Variants in KIF3A observed in about 807,000 individuals in gnomAD.
KIF3A encodes kinesin family member 3A.
A neutral mutation model predicts 92.6 loss-of-function variants in KIF3A; 27 were observed. That is an observed-to-expected ratio of 0.29 (90% CI 0.21 to 0.40). KIF3A has a LOEUF of 0.40. KIF3A is among the 10% of genes least tolerant of loss of function. KIF3A has a pLI of 1.00. For synonymous variants in KIF3A, 250 were observed against 275.4 expected, an observed-to-expected ratio of 0.91 and a Z score of 0.92; for missense variants, 581 against 872.6, an observed-to-expected ratio of 0.67 and a Z score of 4.21.
chr5:132,691,263 T>G (rs1752656898), downstream of KIF3A, among the ~76,000 whole-genome samples: 1 of 152,194 alleles, frequency 6.6e-6, no homozygotes, highest in South Asian at 2.1e-4. Flanking sequence ...GAAGTATTTT[T>G]GGGGCTAGGC....
intron 4 of KIF3A, among the ~76,000 whole-genome samples, chr5:132,724,801 AAAAAAATATATATAT>A (rs1561708565): frequency 1.4e-4 from 5 of 34,536 alleles, no homozygotes; most frequent in African/African-American, 5.1e-4. Context: ...ATAAAAAAAA[AAAAAAATATATATAT>A]ATATATATAT....
intron 2 of KIF3A, among the ~76,000 whole-genome samples, 191 bp downstream of exon 2, chr5:132,734,014 G>T (rs9327638): frequency 6.6e-6 from 1 of 152,140 alleles, no homozygotes; most frequent in Admixed American, 6.5e-5. Context: ...TTGCTTGGGG[G>T]TGGGTCTGCA....
At chr5:132,699,417 A>C in intron 17 of KIF3A, 122 bp from the exon 18 acceptor site, 1 of 910,546 alleles carries the variant, frequency 1.1e-6, no homozygotes, top group Non-Finnish European at 1.7e-6. Flanking sequence ...AACCAAAGAA[A>C]TGTCTAATGA....
At chr5:132,734,812 A>C (rs1489581326) in intron 1 of KIF3A, among the ~76,000 whole-genome samples, 3 of 152,250 alleles carry the variant, frequency 2.0e-5, no homozygotes, top group Non-Finnish European at 2.9e-5. Context: ...TCCTGCCTGT[A>C]GGAAAACACA....
At chr5:132,714,987 C>T (rs1285004727) in intron 8 of KIF3A, among the ~76,000 whole-genome samples, 1 of 152,132 alleles carries the variant, frequency 6.6e-6, no homozygotes, top group Non-Finnish European at 1.5e-5. Context: ...TACTTGTTTA[C>T]TAAATAAGTA....
At position 132,694,490 on chromosome 5, in the gene KIF3A, A is replaced by G. The variant is rs949283727; in HGVS notation, c.*2144T>C. ...GACTTTTTATAGATTTATTTTTATT[A>G]TCATGGTAGGGTGGGATAGAAAAAA... On this transcript the variant is annotated 3_prime_UTR_variant, in exon 19 of 19. Coordinates refer to ENST00000403231, the MANE Select transcript of KIF3A (RefSeq NM_001300791.2). 5 of 152,270 alleles carry G rather than the reference A, an allele frequency of 3.3e-5. No homozygotes were observed. In the South Asian group the frequency reaches 8.3e-4, roughly 25 times the overall value. 9.4% of individuals were successfully genotyped at this position (152,270 alleles called of 1,614,324 possible).
intron 4 of KIF3A, among the ~76,000 whole-genome samples, chr5:132,721,883 C>T (rs956571315): frequency 2.0e-5 from 3 of 152,132 alleles, no homozygotes; most frequent in Non-Finnish European, 4.4e-5. Flanking sequence ...GAATTTTACA[C>T]ATTGAGCTTC....
chr5:132,708,142 A>C (rs1753283594), intron 10 of KIF3A, among the ~76,000 whole-genome samples: 1 of 151,980 alleles, frequency 6.6e-6, no homozygotes, highest in Non-Finnish European at 1.5e-5. Flanking sequence ...ATTAGCCAGG[A>C]GTGGTGGCGG....
At position 132,694,840 on chromosome 5, in the gene KIF3A, T is replaced by C. The variant is rs1047289856; in HGVS notation, c.*1794A>G. 2 of 152,292 alleles carry C rather than the reference T, an allele frequency of 1.3e-5. No homozygotes were observed. The highest frequency in any genetic ancestry group is 4.8e-5 in the African/African-American group (2 of 41,430). The allele number at this position is 152,292 out of a possible 1,614,324, so 9.4% of individuals were successfully genotyped here. ...AGCTATCTTACATACCACAAACAAA[T>C]GCAGCCAGTGAAATGCAATTCTAAT... On this transcript the variant is annotated 3_prime_UTR_variant, in exon 19 of 19. Transcript: ENST00000403231.
intron 4 of KIF3A, among the ~76,000 whole-genome samples, chr5:132,724,805 AAATATATATATATATATATATATATATAT>A (rs1251827754): frequency 2.4e-4 from 4 of 16,698 alleles, no homozygotes; most frequent in Admixed American, 1.4e-3. Flanking sequence ...AAAAAAAAAA[AAATATATATATATATATATATATATATAT>A]ATATATATAT....
At chr5:132,732,865 C>T (rs1479859345) in intron 2 of KIF3A, among the ~76,000 whole-genome samples, 1 of 151,130 alleles carries the variant, frequency 6.6e-6, no homozygotes, top group Non-Finnish European at 1.5e-5. Flanking sequence ...GCCAAGATCA[C>T]GCCACTGCAA....
chr5:132,716,149 T>C, intron 7 of KIF3A, 96 bp downstream of exon 7: 1 of 1,103,540 alleles, frequency 9.1e-7, no homozygotes, highest in Admixed American at 2.2e-5. Context: ...AAAAGTAAAA[T>C]AATCAAGTTT....
intron 9 of KIF3A, among the ~76,000 whole-genome samples, chr5:132,710,474 G>C (rs1338799122): frequency 6.6e-6 from 1 of 152,166 alleles, no homozygotes; most frequent in Non-Finnish European, 1.5e-5. Context: ...AAATTAGCCG[G>C]GCGAGGTGGC....
intron 5 of KIF3A, among the ~76,000 whole-genome samples, chr5:132,718,454 T>A (rs1006185878): frequency 6.6e-6 from 1 of 151,196 alleles, no homozygotes; most frequent in Non-Finnish European, 1.5e-5. Flanking sequence ...AGATCACAGG[T>A]GCGCACCACC....
At position 132,696,679 on chromosome 5, in the gene KIF3A, C is replaced by T; in HGVS notation, c.2136G>A (p.Lys712=). 1 of 1,609,530 alleles carries T rather than the reference C, an allele frequency of 6.2e-7. No individual in the cohort carries two copies. Residue 712 remains lysine, a synonymous_variant, in exon 19 of 19, where the codon AAG becomes AAA. Transcript: ENST00000403231. ...TTACAGTTTCAGGCTTTGCAGAACG[C>T]TTTCTGTTTGGAGAAGAAAAAAAGC... is the stretch of plus-strand genomic sequence containing the variant. ...GKARPKTGRR[K]RSAKPETVID... is the part of the protein sequence containing the mutation.
intron 4 of KIF3A, among the ~76,000 whole-genome samples, chr5:132,721,964 C>T (rs1180631547): frequency 6.6e-6 from 1 of 152,102 alleles, no homozygotes; most frequent in Non-Finnish European, 1.5e-5. Context: ...AATTACTGGT[C>T]TATATCAATG....
At chr5:132,734,978 G>A (rs1002481493) in intron 1 of KIF3A, among the ~76,000 whole-genome samples, 1 of 152,006 alleles carries the variant, frequency 6.6e-6, no homozygotes, top group Admixed American at 6.6e-5. Flanking sequence ...ACAATAATAA[G>A]ATAAAGACAG....
intron 8 of KIF3A, among the ~76,000 whole-genome samples, chr5:132,711,584 T>C (rs1753426010): frequency 9.2e-6 from 1 of 108,962 alleles, no homozygotes; most frequent in Non-Finnish European, 2.4e-5. Context: ...AGAGTGACTC[T>C]GTCTCAAAAA....
At chr5:132,717,017 T>A (rs1561702773) in intron 5 of KIF3A, 33 bp from the exon 6 acceptor site, 1 of 1,597,306 alleles carries the variant, frequency 6.3e-7, no homozygotes, top group Non-Finnish European at 8.6e-7. Context: ...TTTAAAAGTG[T>A]AACAGAGAGT....
Sources: gnomAD v4.1 joint callset for allele counts (sites outside exome capture counted in the v4.1 genomes callset) on GRCh38, gnomAD v4.1.1 for gene constraint, MANE v1.5 for transcripts, NCBI Gene and HGNC (gene_info 2026-07-23, HGNC 2026-07-21) for gene names.